CALN1: variants seen among roughly 807,000 people sequenced by gnomAD.
CALN1 encodes calcium-binding protein 8.
Under a neutral mutation model 30.6 loss-of-function variants are expected in CALN1, and 17 were observed. The ratio of observed to expected loss-of-function variants is 0.56; its 90% CI spans 0.38 to 0.83. The LOEUF (loss-of-function observed/expected upper bound fraction) is 0.83. CALN1 is among the 40% of genes least tolerant of loss of function. The pLI is 0.00. For synonymous variants in CALN1, 156 were observed against 131.4 expected (o/e 1.19, Z -1.28); for missense variants, 291 against 354.9 (o/e 0.82, Z 1.45).
At chr7:72,485,224 C>G in the CALN1 span, among the ~76,000 whole-genome samples, 1 of 152,164 alleles carries the variant, frequency 6.6e-6, no homozygotes, top group Admixed American at 6.5e-5. Flanking sequence ...CACTGTACCC[C>G]AGCCTGGGCA....
intron 5 of CALN1, among the ~76,000 whole-genome samples, chr7:71,906,714 A>C (rs2116974706): frequency 1.3e-5 from 2 of 152,282 alleles, no homozygotes; most frequent in Middle Eastern, 3.4e-3. Context: ...CTTCAAAATA[A>C]TGCAAGTTTT....
At chr7:71,831,162 T>C (rs189884379) in intron 5 of CALN1, among the ~76,000 whole-genome samples, 231 of 152,228 alleles carry the variant, frequency 1.5e-3, no homozygotes, top group Admixed American at 2.5e-3. Context: ...TGTTTCCTCA[T>C]ACATTTAATA....
intron 1 of CALN1, among the ~76,000 whole-genome samples, chr7:72,427,178 C>A (rs924773864): frequency 6.6e-6 from 1 of 152,070 alleles, no homozygotes; most frequent in Non-Finnish European, 1.5e-5. Flanking sequence ...AGAGATGGGG[C>A]TTTGCCAGGC....
intron 3 of CALN1, among the ~76,000 whole-genome samples, chr7:72,227,446 A>C (rs911136654): frequency 4.0e-5 from 6 of 151,860 alleles, no homozygotes; most frequent in Non-Finnish European, 7.4e-5. Flanking sequence ...AGGCTGAGGC[A>C]GGAGAACTGC....
At chr7:72,123,588 G>T (rs760574645) in intron 3 of CALN1, among the ~76,000 whole-genome samples, 8 of 152,192 alleles carry the variant, frequency 5.3e-5, no homozygotes, top group African/African-American at 9.6e-5. Flanking sequence ...AGGGTAAATC[G>T]TGGAAAGGAT....
At chr7:71,831,352 T>C (rs1211808980) in intron 5 of CALN1, among the ~76,000 whole-genome samples, 1 of 151,634 alleles carries the variant, frequency 6.6e-6, no homozygotes, top group Non-Finnish European at 1.5e-5. Flanking sequence ...CAGTGGCGTA[T>C]GCCTGTAATC....
intron 2 of CALN1, among the ~76,000 whole-genome samples, chr7:72,349,742 T>A (rs953934761): frequency 2.0e-5 from 3 of 152,238 alleles, no homozygotes; most frequent in African/African-American, 7.2e-5. Context: ...TGTCTTCTTT[T>A]GAAAACTGCC....
At chr7:72,313,889 G>A (rs181788250) in intron 2 of CALN1, among the ~76,000 whole-genome samples, 8,067 of 150,944 alleles carry the variant, frequency 0.053, 644 homozygotes, top group East Asian at 0.4. Flanking sequence ...AAGGAGATGT[G>A]GAAGGCACAA....
At chr7:72,219,996 T>C (rs111267805) in intron 3 of CALN1, among the ~76,000 whole-genome samples, 40 of 149,392 alleles carry the variant, frequency 2.7e-4, no homozygotes, top group African/African-American at 9.9e-4. Flanking sequence ...TCCAGTCTTA[T>C]TTGAAGCAAC....
chr7:72,068,095 CAATT>C (rs1380188413), intron 4 of CALN1, among the ~76,000 whole-genome samples: 4 of 152,148 alleles, frequency 2.6e-5, no homozygotes, highest in African/African-American at 2.4e-5. Context: ...ATATCATCCT[CAATT>C]AAAGCTTAAA....
chr7:72,362,429 T>G lies in CALN1; in HGVS notation c.119+40822A>C, dbSNP rs541595132. On this transcript the variant is annotated intron_variant, in intron 2 of 6. Transcript: ENST00000395275. ...AGTCTCCATCCTCTCTCTACCAGCTTCTCTGGTGGCTTACTAGGCATCACC... is the reference window on the plus strand; with the variant it reads ...AGTCTCCATCCTCTCTCTACCAGCTGCTCTGGTGGCTTACTAGGCATCACC... 4.6e-5 allele frequency among the ~76,000 whole-genome samples: 7 copies of G among 152,240 alleles called. No individual in the cohort carries two copies. The East Asian group carries it at 1.4e-3, about 29-fold the overall frequency.
Position 72,403,320 on chromosome 7 carries a change from T to C in CALN1, c.50A>G (p.Lys17Arg), listed in dbSNP as rs765057521. The C allele has an allele frequency of 5.0e-4, 776 of 1,548,256 alleles. No individual in the cohort carries two copies. The highest frequency in any genetic ancestry group is 6.3e-4 in the Non-Finnish European group (721 of 1,146,422). Residue 17 changes from lysine (K) to arginine (R), a missense_variant, in exon 2 of 7, where the codon AAG becomes AGG. Lys to Arg is a conservative substitution (Grantham distance 26). This residue lies in a region of CALN1 where 122 missense variants were observed against 103.2 expected (regional missense o/e 1.18). Transcript: ENST00000395275. ...CCCTCCGAGGGCTCCTCCGTCCCCC[T>C]TTTTCTCATTCTCGGGCTTCCCCTC... ...PGEGKPENEK[K>R]GDGGALGGGE...
chr7:71,876,363 C>A (rs1014935313), intron 5 of CALN1, among the ~76,000 whole-genome samples: 3 of 152,054 alleles, frequency 2.0e-5, no homozygotes, highest in African/African-American at 7.2e-5. Context: ...CGTGTGTTGG[C>A]CCTTTCACAT....
At chr7:72,063,951 T>C (rs1803840764) in intron 4 of CALN1, among the ~76,000 whole-genome samples, 1 of 152,186 alleles carries the variant, frequency 6.6e-6, no homozygotes, top group Non-Finnish European at 1.5e-5. Context: ...GAATTGGACA[T>C]ATGCCTTCTT....
At chr7:72,048,038 CTTCTT>C in intron 4 of CALN1, among the ~76,000 whole-genome samples, 1 of 137,372 alleles carries the variant, frequency 7.3e-6, no homozygotes, top group South Asian at 2.3e-4. Flanking sequence ...TCTTCTTCTT[CTTCTT>C]TTTTTTTTTT....
chr7:72,098,759 GGC>G (rs10551417), intron 4 of CALN1, among the ~76,000 whole-genome samples: 30,344 of 64,392 alleles, frequency 0.47, 3,327 homozygotes, highest in South Asian at 0.52. Context: ...CAGCCCATTT[GGC>G]GCGCACACAC....
In CALN1 at chr7:71,992,770, T is replaced by A. The variant is rs553355358; in HGVS notation, c.501+30887A>T. Among the ~76,000 whole-genome samples the A allele has an allele frequency of 1.3e-3, 192 of 152,350 alleles. 1 individual carries two copies. Among genetic ancestry groups the A allele is most frequent in the African/African-American group, 4.4e-3 (183 of 41,586 alleles). On this transcript the variant is annotated intron_variant, in intron 5 of 6. Transcript: ENST00000395275. Reference sequence around the variant, plus strand: ...ATAAACTCTATACTTAATCATATTTTCGAGACCAGCCGAAATATCGTTATT... The same window carrying A: ...ATAAACTCTATACTTAATCATATTTACGAGACCAGCCGAAATATCGTTATT...
At chr7:72,130,588 G>C (rs531126926) in intron 3 of CALN1, among the ~76,000 whole-genome samples, 1 of 152,080 alleles carries the variant, frequency 6.6e-6, no homozygotes, top group South Asian at 2.1e-4. Flanking sequence ...AACGTGTAGA[G>C]TATGTCTGGA....
chr7:71,907,528 T>C (rs1178482170), intron 5 of CALN1, among the ~76,000 whole-genome samples: 4 of 152,206 alleles, frequency 2.6e-5, no homozygotes, highest in Non-Finnish European at 5.9e-5. Context: ...GAAAAAGACC[T>C]GGATTCCAAT....
Sources: gnomAD v4.1 joint callset for allele counts (sites outside exome capture counted in the v4.1 genomes callset) on GRCh38, gnomAD v4.1.1 for gene constraint, gnomAD v4.1.1 regional missense constraint, MANE v1.5 for transcripts, NCBI Gene and HGNC (gene_info 2026-07-23, HGNC 2026-07-21) for gene names.